The following RPS6KA5 variants were observed in gnomAD, a reference collection of about 807,000 sequenced individuals.
RPS6KA5 encodes ribosomal protein S6 kinase alpha-5.
In RPS6KA5, 27 loss-of-function variants were observed where a neutral mutation model predicts 85.5. The ratio of observed to expected loss-of-function variants is 0.32; its 90% CI spans 0.23 to 0.44. RPS6KA5 has a LOEUF of 0.44. Among genes scored for constraint, RPS6KA5 ranks in the 20% least tolerant of loss-of-function variants. The pLI is 1.00. For missense variants in RPS6KA5, 811 were observed against 980.9 expected, an observed-to-expected ratio of 0.83 and a Z score of 2.31; for synonymous variants, 334 against 348.2, an observed-to-expected ratio of 0.96 and a Z score of 0.46.
intron 7 of RPS6KA5, among the ~76,000 whole-genome samples, chr14:90,914,921 A>T (rs1485559314): frequency 6.6e-6 from 1 of 152,174 alleles, no homozygotes; most frequent in Non-Finnish European, 1.5e-5. Flanking sequence ...GTTTTTGGTT[A>T]ACTAGTCAAA....
intron 3 of RPS6KA5, among the ~76,000 whole-genome samples, chr14:90,973,074 G>C (rs892234339): frequency 1.2e-4 from 18 of 152,228 alleles, no homozygotes; most frequent in Non-Finnish European, 2.9e-5. Flanking sequence ...TGGAGAAACA[G>C]GCACTCTCAA....
intron 5 of RPS6KA5, among the ~76,000 whole-genome samples, chr14:90,931,209 A>G (rs1019445597): frequency 1.6e-4 from 24 of 152,216 alleles, no homozygotes; most frequent in Admixed American, 1.5e-3. Flanking sequence ...TTCAGCCTTA[A>G]TAAAGAAGGA....
chr14:90,998,246 G>T (rs2040620716), intron 2 of RPS6KA5, among the ~76,000 whole-genome samples: 1 of 152,038 alleles, frequency 6.6e-6, no homozygotes, highest in Admixed American at 6.6e-5. Flanking sequence ...AAGGGTTCAG[G>T]GTTTCTTTCT....
At chr14:90,910,065 C>T (rs1373023541) in intron 7 of RPS6KA5, among the ~76,000 whole-genome samples, 2 of 151,412 alleles carry the variant, frequency 1.3e-5, no homozygotes, top group African/African-American at 4.9e-5. Flanking sequence ...CGTGAGCCAC[C>T]GTGCCCGGCC....
chr14:90,973,963 A>G (rs546311768), intron 3 of RPS6KA5, among the ~76,000 whole-genome samples: 1 of 133,578 alleles, frequency 7.5e-6, no homozygotes, highest in South Asian at 2.6e-4. Context: ...ACTTGAACCC[A>G]GGAGGTGGAG....
chr14:90,993,700 G>A (rs1190044901), intron 2 of RPS6KA5, among the ~76,000 whole-genome samples: 1 of 152,016 alleles, frequency 6.6e-6, no homozygotes, highest in African/African-American at 2.4e-5. Flanking sequence ...GTATTTCTCT[G>A]TCTCATGTTC....
intron 1 of RPS6KA5, among the ~76,000 whole-genome samples, chr14:91,020,746 CAGTATATAATCA>C (rs58432060): frequency 0.53 from 80,590 of 151,288 alleles, 21,496 homozygotes; most frequent in East Asian, 0.56. Flanking sequence ...GTATAAAATC[CAGTATATAATCA>C]AGTATATAAT....
chr14:90,928,721 C>G (rs2036811325), intron 5 of RPS6KA5, among the ~76,000 whole-genome samples: 1 of 147,242 alleles, frequency 6.8e-6, no homozygotes, highest in South Asian at 2.1e-4. Context: ...TGAAAAGCTA[C>G]TTGCACTCAC....
At chr14:91,033,162 C>T (rs2042259319) in intron 1 of RPS6KA5, among the ~76,000 whole-genome samples, 1 of 149,680 alleles carries the variant, frequency 6.7e-6, no homozygotes, top group African/African-American at 2.5e-5. Flanking sequence ...TGCACTCCAG[C>T]CTGGCAGACA....
chr14:91,014,892 A>G (rs1566865753), intron 1 of RPS6KA5, among the ~76,000 whole-genome samples: 1 of 152,242 alleles, frequency 6.6e-6, no homozygotes, highest in Non-Finnish European at 1.5e-5. Context: ...ACTTTATAAA[A>G]TGTTTTAAAA....
intron 4 of RPS6KA5, among the ~76,000 whole-genome samples, chr14:90,943,390 G>A (rs1287347329): frequency 6.6e-6 from 1 of 151,708 alleles, no homozygotes; most frequent in African/African-American, 2.4e-5. Flanking sequence ...CCACGTCTTT[G>A]TTCTCCTTGT....
chr14:91,033,371 T>A (rs1595518580), intron 1 of RPS6KA5, among the ~76,000 whole-genome samples: 1 of 152,058 alleles, frequency 6.6e-6, no homozygotes, highest in Admixed American at 6.5e-5. Context: ...CAGGCCGAGG[T>A]GGGCAGATCA....
intron 1 of RPS6KA5, among the ~76,000 whole-genome samples, chr14:91,059,033 T>G (rs986911031): frequency 6.6e-6 from 1 of 152,072 alleles, no homozygotes; most frequent in African/African-American, 2.4e-5. Flanking sequence ...CCTTCACAAT[T>G]AAATAATAAC....
At chr14:90,968,970 A>G (rs936091417) in intron 3 of RPS6KA5, among the ~76,000 whole-genome samples, 1 of 152,234 alleles carries the variant, frequency 6.6e-6, no homozygotes, top group Non-Finnish European at 1.5e-5. Context: ...ATGACACATA[A>G]TTTATGCAGA....
chr14:90,946,498 T>A lies in RPS6KA5; in HGVS notation c.510+937A>T, dbSNP rs370095621. Among the ~76,000 whole-genome samples, 7 of 152,282 alleles carry A rather than the reference T, an allele frequency of 4.6e-5. No individual in the cohort carries two copies. In the East Asian group the frequency reaches 5.8e-4, roughly 13 times the overall value. Reference sequence around the variant, plus strand: ...ATTTATTCTCACGGCCTCACCCACCTGTTACCTCCACCTTGCTGCCTGCCC... The same window carrying A: ...ATTTATTCTCACGGCCTCACCCACCAGTTACCTCCACCTTGCTGCCTGCCC... On this transcript the variant is annotated intron_variant, in intron 4 of 16. Transcript: ENST00000614987.
intron 1 of RPS6KA5, among the ~76,000 whole-genome samples, chr14:91,036,741 A>C (rs1351232953): frequency 6.6e-6 from 1 of 152,180 alleles, no homozygotes; most frequent in Non-Finnish European, 1.5e-5. Flanking sequence ...CAGAATTGTC[A>C]ATTGTCTGTG....
At chr14:90,921,536 T>G (rs1313994066) in intron 6 of RPS6KA5, among the ~76,000 whole-genome samples, 1 of 152,166 alleles carries the variant, frequency 6.6e-6, no homozygotes, top group Non-Finnish European at 1.5e-5. Context: ...CCCAACAGCT[T>G]CAAAGAATAT....
intron 1 of RPS6KA5, among the ~76,000 whole-genome samples, chr14:91,006,480 A>G (rs1566855626): frequency 6.6e-6 from 1 of 152,168 alleles, no homozygotes; most frequent in South Asian, 2.1e-4. Flanking sequence ...TCAGTGCCCT[A>G]CAAGAAGAGA....
chr14:91,001,246 T>A, intron 1 of RPS6KA5, 87 bp from the exon 2 acceptor site: 1 of 770,612 alleles, frequency 1.3e-6, no homozygotes, highest in Non-Finnish European at 2.2e-6. Flanking sequence ...AGCGACGCTC[T>A]ATTTCTTGAC....
Sources: gnomAD v4.1 joint callset for allele counts (sites outside exome capture counted in the v4.1 genomes callset) on GRCh38, gnomAD v4.1.1 for gene constraint, MANE v1.5 for transcripts, NCBI Gene and HGNC (gene_info 2026-07-23, HGNC 2026-07-21) for gene names.